The following SUGCT variants were observed in gnomAD, a reference collection of about 807,000 sequenced individuals.
The protein encoded by SUGCT is succinyl-CoA:glutarate-CoA transferase.
A neutral mutation model predicts 55.0 loss-of-function variants in SUGCT; 41 were observed. That is an observed-to-expected ratio of 0.74 (90% confidence interval 0.58 to 0.97). The LOEUF is 0.97. Ranked by LOEUF, SUGCT falls within the 50% of genes least tolerant of loss-of-function variation. The pLI is 0.00. For synonymous variants in SUGCT, 187 were observed against 200.4 expected, an observed-to-expected ratio of 0.93 and a Z score of 0.56; for missense variants, 568 against 547.8, an observed-to-expected ratio of 1.04 and a Z score of -0.37.
chr7:40,609,866 C>G (rs1384298119), intron 12 of SUGCT, among the ~76,000 whole-genome samples: 1 of 152,034 alleles, frequency 6.6e-6, no homozygotes, highest in East Asian at 1.9e-4. Context: ...TAAGCCAAAT[C>G]AGAATGCATT....
chr7:40,267,053 AG>A (rs891828579), intron 7 of SUGCT, among the ~76,000 whole-genome samples: 3 of 151,672 alleles, frequency 2.0e-5, no homozygotes, highest in South Asian at 2.1e-4. Context: ...AAAAAAAGGA[AG>A]AAAAAAAGAA....
rs1219518665 is a variant in SUGCT at position 40,853,977 on chromosome 7, C to T, written c.1154-6339C>T. 2.6e-5 allele frequency among the ~76,000 whole-genome samples: 4 copies of T among 152,290 alleles called. No individual in the cohort carries two copies. The East Asian group carries it at 7.7e-4, about 29-fold the overall frequency. ...TAGGGGATACAGGCATCTAAATAGA[C>T]AATTTAATGCTAAGAGCTGTTGAAG... On this transcript the variant is annotated intron_variant, in intron 13 of 13. Transcript: ENST00000335693.
intron 13 of SUGCT, among the ~76,000 whole-genome samples, chr7:40,848,232 C>A (rs181826521): frequency 1.5e-4 from 22 of 150,862 alleles, no homozygotes; most frequent in African/African-American, 5.1e-4. Flanking sequence ...TCTCTTCAAA[C>A]ATTCACCTTA....
At chr7:40,695,307 C>A (rs1278589146) in intron 12 of SUGCT, among the ~76,000 whole-genome samples, 3 of 151,762 alleles carry the variant, frequency 2.0e-5, no homozygotes, top group African/African-American at 7.3e-5. Context: ...AAGCGATCCT[C>A]CCACCTCAGA....
intron 12 of SUGCT, among the ~76,000 whole-genome samples, chr7:40,708,203 C>T (rs1314621904): frequency 6.6e-6 from 1 of 152,024 alleles, no homozygotes; most frequent in Non-Finnish European, 1.5e-5. Context: ...CATTGGGTAC[C>T]AGGACTGAAA....
At chr7:40,896,188 G>A in the SUGCT span, among the ~76,000 whole-genome samples, 1 of 151,740 alleles carries the variant, frequency 6.6e-6, no homozygotes, top group Non-Finnish European at 1.5e-5. Flanking sequence ...TTGTATTTCT[G>A]TACACTAACA....
At chr7:40,737,649 G>A (rs1438254970) in intron 12 of SUGCT, among the ~76,000 whole-genome samples, 5 of 152,138 alleles carry the variant, frequency 3.3e-5, no homozygotes, top group Non-Finnish European at 7.3e-5. Context: ...ATTGGTAGGG[G>A]GATAACTGGA....
chr7:40,781,512 T>C (rs940661347), intron 13 of SUGCT, among the ~76,000 whole-genome samples: 1 of 152,080 alleles, frequency 6.6e-6, no homozygotes, highest in African/African-American at 2.4e-5. Flanking sequence ...CACACACCCC[T>C]GTATATTAGA....
At chr7:40,539,571 A>C (rs1794561470) in intron 12 of SUGCT, 1 of 152,170 alleles carries the variant, frequency 6.6e-6, no homozygotes, top group African/African-American at 2.4e-5. Flanking sequence ...TAGAGAAGCA[A>C]AACTCTTCAC....
At chr7:40,596,240 G>T (rs569300820) in intron 12 of SUGCT, among the ~76,000 whole-genome samples, 1 of 152,124 alleles carries the variant, frequency 6.6e-6, no homozygotes, top group Non-Finnish European at 1.5e-5. Context: ...AGTTATAAAA[G>T]GATTCTTTGT....
At chr7:40,771,212 C>T (rs1048769391) in intron 13 of SUGCT, among the ~76,000 whole-genome samples, 1 of 151,942 alleles carries the variant, frequency 6.6e-6, no homozygotes, top group South Asian at 2.1e-4. Context: ...CTTAGATTTC[C>T]CCCCCAACAC....
Position 40,294,868 on chromosome 7 carries a change from C to T in SUGCT, c.720+20212C>T, listed in dbSNP as rs78334582. 9.2e-3 allele frequency among the ~76,000 whole-genome samples: 1,397 copies of T among 152,166 alleles called. 17 individuals carry two copies. Among genetic ancestry groups the T allele is most frequent in the Middle Eastern group, 0.024 (7 of 294 alleles). On this transcript the variant is annotated intron_variant, in intron 8 of 13. Transcript: ENST00000335693. ...GGCCCTGTTGATGCATTATTAATCT[C>T]GGCACTTTGAAAAATGAAAATTTAA...
intron 9 of SUGCT, among the ~76,000 whole-genome samples, chr7:40,403,858 C>T (rs945330326): frequency 8.5e-5 from 13 of 152,278 alleles, no homozygotes; most frequent in African/African-American, 3.1e-4. Flanking sequence ...CTTTTAATCT[C>T]TTTGAGGATT....
At chr7:41,017,209 A>G in the SUGCT span, among the ~76,000 whole-genome samples, 1 of 152,068 alleles carries the variant, frequency 6.6e-6, no homozygotes, top group East Asian at 1.9e-4. Context: ...CTTTCTATAT[A>G]CAAAGTCTCC....
chr7:40,773,275 C>T (rs1789276264), intron 13 of SUGCT, among the ~76,000 whole-genome samples: 1 of 151,918 alleles, frequency 6.6e-6, no homozygotes, highest in Non-Finnish European at 1.5e-5. Flanking sequence ...ATTACAGGCA[C>T]CTGCCACCAC....
At chr7:40,308,016 C>T (rs1794931992) in intron 8 of SUGCT, among the ~76,000 whole-genome samples, 1 of 152,088 alleles carries the variant, frequency 6.6e-6, no homozygotes, top group Non-Finnish European at 1.5e-5. Flanking sequence ...AGCATTTTGT[C>T]CCCATAAGAT....
chr7:40,199,989 G>A (rs925275328), intron 6 of SUGCT, among the ~76,000 whole-genome samples: 2 of 152,174 alleles, frequency 1.3e-5, no homozygotes, highest in Non-Finnish European at 2.9e-5. Flanking sequence ...ACCCTGGGGA[G>A]TGGGGAGGTA....
At chr7:40,594,429 T>G (rs1797896893) in intron 12 of SUGCT, among the ~76,000 whole-genome samples, 1 of 152,162 alleles carries the variant, frequency 6.6e-6, no homozygotes, top group Admixed American at 6.5e-5. Context: ...TCGCCCTTCC[T>G]TTTCATATCC....
At chr7:40,542,051 T>A (rs1426814864) in intron 12 of SUGCT, among the ~76,000 whole-genome samples, 1 of 152,098 alleles carries the variant, frequency 6.6e-6, no homozygotes, top group Non-Finnish European at 1.5e-5. Context: ...GGCAATACAG[T>A]GGCAAGGGGC....
Sources: gnomAD v4.1 joint callset for allele counts (sites outside exome capture counted in the v4.1 genomes callset) on GRCh38, gnomAD v4.1.1 for gene constraint, MANE v1.5 for transcripts, NCBI Gene and HGNC (gene_info 2026-07-23, HGNC 2026-07-21) for gene names.